TRPM3: variants seen among roughly 807,000 people sequenced by gnomAD.
TRPM3 encodes the protein long transient receptor potential channel 3.
A neutral mutation model predicts 181.2 loss-of-function variants in TRPM3; 77 were observed. The observed-to-expected ratio is 0.42, with a 90% confidence interval of 0.35 to 0.51. The LOEUF (loss-of-function observed/expected upper bound fraction) is 0.51. TRPM3 is among the 20% of genes least tolerant of loss of function. The pLI is 0.01. For synonymous variants in TRPM3, 745 were observed against 796.4 expected (o/e 0.94, Z 1.09); for missense variants, 1,759 against 2,196.7 (o/e 0.80, Z 3.98).
chr9:71,228,535 A>T (rs752604150), intron 1 of TRPM3, among the ~76,000 whole-genome samples: 12 of 152,208 alleles, frequency 7.9e-5, no homozygotes, highest in Non-Finnish European at 1.5e-4. Flanking sequence ...AAATCAAATT[A>T]TCCTTGTTTG....
At chr9:71,277,428 T>C (rs1351284490) in intron 1 of TRPM3, among the ~76,000 whole-genome samples, 1 of 152,216 alleles carries the variant, frequency 6.6e-6, no homozygotes, top group African/African-American at 2.4e-5. Flanking sequence ...AATAGTTTTG[T>C]TTTTGTTTGT....
At chr9:70,946,922 G>A (rs2096939964) in intron 1 of TRPM3, among the ~76,000 whole-genome samples, 1 of 152,122 alleles carries the variant, frequency 6.6e-6, no homozygotes. Flanking sequence ...GTGCTATACA[G>A]CATCCACCTG....
rs754360155 is a variant in TRPM3 at position 70,792,782 on chromosome 9, T to G, written c.974-8503A>C. Among the ~76,000 whole-genome samples, 134 of 152,128 alleles carry G rather than the reference T, an allele frequency of 8.8e-4. 1 individual carries two copies. The highest frequency in any genetic ancestry group is 1.8e-4 in the Non-Finnish European group (12 of 68,024). ...GAGTCCCCTATTCACCAGGGGTAGA[T>G]AGTTTTTTGCGTAAAGGCTACATAG... On this transcript the variant is annotated intron_variant, in intron 6 of 25. Coordinates refer to ENST00000677713, the MANE Select transcript of TRPM3 (RefSeq NM_001366145.2).
intron 1 of TRPM3, among the ~76,000 whole-genome samples, chr9:71,135,144 G>A (rs948923869): frequency 6.6e-6 from 1 of 152,170 alleles, no homozygotes; most frequent in Non-Finnish European, 1.5e-5. Flanking sequence ...TTGGGTCTTA[G>A]GCAGGAATGC....
intron 1 of TRPM3, among the ~76,000 whole-genome samples, chr9:71,152,851 C>A (rs2075803901): frequency 6.6e-6 from 1 of 152,170 alleles, no homozygotes; most frequent in African/African-American, 2.4e-5. Flanking sequence ...TAAAGAAGAT[C>A]TATTCCATTT....
At chr9:70,839,805 T>C (rs1414270285) in intron 5 of TRPM3, among the ~76,000 whole-genome samples, 1 of 152,180 alleles carries the variant, frequency 6.6e-6, no homozygotes, top group Admixed American at 6.6e-5. Context: ...AATTCTGAAG[T>C]GGTAAAGATT....
At chr9:71,009,816 T>G (rs1208760925) in intron 1 of TRPM3, among the ~76,000 whole-genome samples, 1 of 152,132 alleles carries the variant, frequency 6.6e-6, no homozygotes, top group African/African-American at 2.4e-5. Context: ...TCATATTACC[T>G]TTCTTCCAAA....
At chr9:70,606,424 A>AGTT (rs1205568933) in intron 19 of TRPM3, among the ~76,000 whole-genome samples, 1 of 151,992 alleles carries the variant, frequency 6.6e-6, no homozygotes, top group African/African-American at 2.4e-5. Flanking sequence ...TTTACATCAC[A>AGTT]GTTATTCTAT....
chr9:70,892,168 C>A (rs1292239256), intron 1 of TRPM3, among the ~76,000 whole-genome samples: 1 of 152,090 alleles, frequency 6.6e-6, no homozygotes, highest in African/African-American at 2.4e-5. Context: ...TGTGCCTTAA[C>A]GTTTTGGAAG....
intron 11 of TRPM3, among the ~76,000 whole-genome samples, chr9:70,638,579 A>T (rs999682158): frequency 6.7e-6 from 1 of 149,694 alleles, no homozygotes; most frequent in Admixed American, 6.7e-5. Context: ...CAAAACCAAA[A>T]TTTTTGAGTG....
At chr9:71,002,922 T>C (rs1482060265) in intron 1 of TRPM3, among the ~76,000 whole-genome samples, 1 of 152,166 alleles carries the variant, frequency 6.6e-6, no homozygotes, top group Non-Finnish European at 1.5e-5. Context: ...CATATTCATA[T>C]TTTCCAAAAA....
intron 1 of TRPM3, among the ~76,000 whole-genome samples, chr9:71,359,073 T>C (rs1480909525): frequency 1.3e-5 from 2 of 152,234 alleles, no homozygotes; most frequent in African/African-American, 4.8e-5. Context: ...AAGAATCATT[T>C]ATCTAAGCAC....
At chr9:71,203,601 G>C (rs2078935437) in intron 1 of TRPM3, among the ~76,000 whole-genome samples, 1 of 152,182 alleles carries the variant, frequency 6.6e-6, no homozygotes, top group Admixed American at 6.5e-5. Flanking sequence ...CTGACTGGCT[G>C]TGTGACCTTA....
intron 1 of TRPM3, among the ~76,000 whole-genome samples, chr9:70,985,527 T>G (rs1251897739): frequency 6.6e-6 from 1 of 152,216 alleles, no homozygotes; most frequent in Non-Finnish European, 1.5e-5. Flanking sequence ...CAAGACATTT[T>G]TTAGTTAGGT....
At chr9:70,956,586 T>C (rs940569005) in intron 1 of TRPM3, among the ~76,000 whole-genome samples, 2 of 152,142 alleles carry the variant, frequency 1.3e-5, no homozygotes, top group African/African-American at 4.8e-5. Context: ...GTTTACTTCT[T>C]AGATTAAAAA....
chr9:70,637,357 T>C (rs11142522), intron 11 of TRPM3, among the ~76,000 whole-genome samples: 24,186 of 152,138 alleles, frequency 0.16, 2,478 homozygotes, highest in East Asian at 0.4. Context: ...GGCTATTTAC[T>C]GTTCCATAAT....
intron 21 of TRPM3, among the ~76,000 whole-genome samples, chr9:70,596,026 C>T (rs2058954641): frequency 6.6e-6 from 1 of 152,108 alleles, no homozygotes; most frequent in South Asian, 2.1e-4. Context: ...CTATACTCAC[C>T]AATTTTTCCT....
At chr9:71,170,862 G>T (rs1233090935) in intron 1 of TRPM3, among the ~76,000 whole-genome samples, 2 of 152,262 alleles carry the variant, frequency 1.3e-5, no homozygotes, top group Non-Finnish European at 1.5e-5. Flanking sequence ...ATTGTTCAGG[G>T]AATAAGAGAG....
chr9:71,326,070 C>T (rs1249635000), intron 1 of TRPM3, among the ~76,000 whole-genome samples: 1 of 152,156 alleles, frequency 6.6e-6, no homozygotes, highest in Non-Finnish European at 1.5e-5. Flanking sequence ...TTTAGTAATA[C>T]TTGCCCATGT....
Sources: gnomAD v4.1 joint callset for allele counts (sites outside exome capture counted in the v4.1 genomes callset) on GRCh38, gnomAD v4.1.1 for gene constraint, MANE v1.5 for transcripts, NCBI Gene and HGNC (gene_info 2026-07-23, HGNC 2026-07-21) for gene names.